Variants in MAOB observed in about 807,000 individuals in gnomAD.
MAOB encodes monoamine oxidase B.
A neutral mutation model predicts 41.9 loss-of-function variants in MAOB; 15 were observed. The ratio of observed to expected loss-of-function variants is 0.36; its 90% CI spans 0.24 to 0.55. MAOB has a LOEUF of 0.55. MAOB is among the 20% of genes least tolerant of loss of function. MAOB has a pLI of 0.86. For synonymous variants in MAOB, 167 were observed against 144.2 expected (o/e 1.16, Z -1.13); for missense variants, 345 against 398.7 (o/e 0.87, Z 1.15).
At chrX:43,870,934 T>C (rs1282737057) in intron 1 of MAOB, among the ~76,000 whole-genome samples, 1 of 110,666 alleles carries the variant, frequency 9.0e-6, no homozygotes, top group African/African-American at 3.3e-5. Flanking sequence ...TGAGCAAAAA[T>C]GCTGTTCAGT....
intron 1 of MAOB, among the ~76,000 whole-genome samples, chrX:43,880,216 A>G (rs745966417): frequency 8.9e-6 from 1 of 112,161 alleles, no homozygotes; most frequent in South Asian, 3.7e-4. Context: ...TGTTCATTGA[A>G]TGAATGAATA....
intron 3 of MAOB, among the ~76,000 whole-genome samples, chrX:43,805,708 CT>C (rs2034654522): frequency 8.9e-6 from 1 of 112,178 alleles, no homozygotes; most frequent in African/African-American, 3.2e-5. Flanking sequence ...TTTTGATCTG[CT>C]GTGAACAAAA....
At chrX:43,831,917 T>A (rs2035023597) in intron 3 of MAOB, among the ~76,000 whole-genome samples, 1 of 112,147 alleles carries the variant, frequency 8.9e-6, no homozygotes, top group African/African-American at 3.2e-5. Flanking sequence ...TCTGATTTTG[T>A]TGATTATATA....
At chrX:43,790,856 C>T (rs1001754937) in intron 8 of MAOB, among the ~76,000 whole-genome samples, 4 of 111,999 alleles carry the variant, frequency 3.6e-5, no homozygotes, top group Non-Finnish European at 7.5e-5. Context: ...TGCCTAACAA[C>T]TTGCCTGGCA....
intron 12 of MAOB, among the ~76,000 whole-genome samples, chrX:43,770,769 A>G (rs909111258): frequency 2.7e-5 from 3 of 111,810 alleles, no homozygotes; most frequent in African/African-American, 6.5e-5. Context: ...CTCTATTTTT[A>G]TCTTATATTC....
chrX:43,800,919 A>AT (rs945274114), intron 5 of MAOB, among the ~76,000 whole-genome samples: 4 of 110,802 alleles, frequency 3.6e-5, no homozygotes, highest in African/African-American at 1.3e-4. Context: ...TAATATTACT[A>AT]TTTTTTCCAG....
intron 8 of MAOB, among the ~76,000 whole-genome samples, chrX:43,791,858 G>A (rs2034467044): frequency 8.9e-6 from 1 of 112,726 alleles, no homozygotes; most frequent in African/African-American, 3.2e-5. Flanking sequence ...AGTGACTAGT[G>A]TATTAAAGCA....
At position 43,767,316 on chromosome X, in the gene MAOB, A is replaced by ACAC; in HGVS notation, c.*149_*150insGTG. Reference sequence around the variant, plus strand: ...GGGCCACAACGGAGAAAGAGATACCATGTATTTTACAGTCAGAGTTGGATT... The same window carrying ACAC: ...GGGCCACAACGGAGAAAGAGATACCACACTGTATTTTACAGTCAGAGTTGGATT... On this transcript the variant is annotated 3_prime_UTR_variant, in exon 15 of 15. Coordinates refer to ENST00000378069, the MANE Select transcript of MAOB (RefSeq NM_000898.5). 1 of 520,974 alleles carries ACAC rather than the reference A, an allele frequency of 1.9e-6. No individual in the cohort carries two copies. Among genetic ancestry groups the ACAC allele is most frequent in the Admixed American group, 4.0e-5 (1 of 24,884 alleles). 42.9% of individuals were successfully genotyped at this position (520,974 alleles called of 1,213,427 possible).
intron 11 of MAOB, among the ~76,000 whole-genome samples, chrX:43,777,533 G>A (rs138874424): frequency 2.8e-3 from 309 of 111,804 alleles, no homozygotes; most frequent in African/African-American, 9.4e-3. Context: ...GGGGCGAGGA[G>A]GGAGGGAGAG....
At chrX:43,805,754 T>C (rs988806979) in intron 3 of MAOB, among the ~76,000 whole-genome samples, 4 of 112,111 alleles carry the variant, frequency 3.6e-5, no homozygotes, top group Non-Finnish European at 5.6e-5. Context: ...TCTTTTTGTG[T>C]ACATATGTTT....
At chrX:43,772,064 T>A (rs1054921311) in intron 12 of MAOB, among the ~76,000 whole-genome samples, 1 of 112,031 alleles carries the variant, frequency 8.9e-6, no homozygotes, top group East Asian at 2.8e-4. Context: ...TTTACCAAGT[T>A]GTACTGGTAA....
intron 1 of MAOB, among the ~76,000 whole-genome samples, chrX:43,857,766 T>C (rs2035308209): frequency 8.9e-6 from 1 of 111,880 alleles, no homozygotes; most frequent in Admixed American, 9.5e-5. Flanking sequence ...AGATTTCGTC[T>C]TCATTTTTCA....
chrX:43,837,706 T>G (rs1256860763), intron 3 of MAOB, among the ~76,000 whole-genome samples: 4 of 112,285 alleles, frequency 3.6e-5, no homozygotes, highest in Non-Finnish European at 7.5e-5. Context: ...TGACCGTTGC[T>G]AGTTTCTTCT....
intron 9 of MAOB, among the ~76,000 whole-genome samples, chrX:43,780,822 C>G (rs1036599152): frequency 5.4e-5 from 6 of 112,012 alleles, no homozygotes; most frequent in Admixed American, 2.8e-4. Context: ...GATTCCATCT[C>G]CATTTCTAGC....
intron 1 of MAOB, among the ~76,000 whole-genome samples, chrX:43,860,101 G>T (rs146256597): frequency 1.8e-5 from 2 of 111,577 alleles, no homozygotes; most frequent in East Asian, 5.7e-4. Context: ...GGCTTTCATG[G>T]GTTTCTTCTC....
intron 1 of MAOB, among the ~76,000 whole-genome samples, chrX:43,863,601 C>T (rs2035347358): frequency 9.0e-6 from 1 of 111,525 alleles, no homozygotes; most frequent in Non-Finnish European, 1.9e-5. Context: ...CAAAAAACCC[C>T]TATTTAGTCA....
rs765126666 is a variant in MAOB at position 43,767,453 on chromosome X, A to G, written c.*13T>C. On this transcript the variant is annotated 3_prime_UTR_variant, in exon 15 of 15. Coordinates refer to ENST00000378069, the MANE Select transcript of MAOB (RefSeq NM_000898.5). ...CAGTAAGAAGAGAGTGTGATTACAG[A>G]CACCCTCTCTCTTTAGACTCTCACA... 4 of 1,197,776 alleles carry G rather than the reference A, an allele frequency of 3.3e-6. No homozygotes were observed. Among genetic ancestry groups the G allele is most frequent in the East Asian group, 6.0e-5 (2 of 33,577 alleles).
At chrX:43,863,192 A>G (rs2035343982) in intron 1 of MAOB, among the ~76,000 whole-genome samples, 1 of 112,159 alleles carries the variant, frequency 8.9e-6, no homozygotes, top group East Asian at 2.8e-4. Flanking sequence ...AGAATACCAA[A>G]TATGGGAAAA....
intron 3 of MAOB, among the ~76,000 whole-genome samples, chrX:43,834,871 T>C (rs757934811): frequency 8.9e-5 from 10 of 112,776 alleles, no homozygotes; most frequent in Non-Finnish European, 1.5e-4. Context: ...CTTCTCCAGA[T>C]AGCTGAAGTT....
Sources: allele counts gnomAD v4.1 joint callset (sites outside exome capture counted in the v4.1 genomes callset), GRCh38; gene constraint gnomAD v4.1.1; transcripts MANE v1.5; gene names NCBI Gene and HGNC (gene_info 2026-07-23, HGNC 2026-07-21).